The following UMPS variants were observed in gnomAD, a reference collection of about 807,000 sequenced individuals.
UMPS encodes the protein uridine 5'-monophosphate synthase.
UMPS carries 21 observed loss-of-function variants against 38.9 expected under a neutral mutation model. The observed-to-expected ratio is 0.54, with a 90% confidence interval of 0.38 to 0.78. The LOEUF (loss-of-function observed/expected upper bound fraction) is 0.78, where lower values mean the gene tolerates loss of function less well. Ranked by LOEUF, UMPS falls within the 30% of genes least tolerant of loss-of-function variation. UMPS has a pLI of 0.00. For missense variants in UMPS, 533 were observed against 591.6 expected (o/e 0.90, Z 1.03); for synonymous variants, 208 against 219.3 (o/e 0.95, Z 0.45).
intron 2 of UMPS, among the ~76,000 whole-genome samples, chr3:124,736,248 G>A (rs1216567390): frequency 6.6e-6 from 1 of 151,954 alleles, no homozygotes; most frequent in Non-Finnish European, 1.5e-5. Context: ...GGGTGACAGA[G>A]CAAGACTGTC....
At chr3:124,739,782 G>T (rs747323388) in intron 3 of UMPS, among the ~76,000 whole-genome samples, 17 of 152,210 alleles carry the variant, frequency 1.1e-4, no homozygotes, top group Non-Finnish European at 2.1e-4. Flanking sequence ...TAAGCCAAGT[G>T]CAGACCTTGA....
chr3:124,735,226 G>A lies in UMPS; in HGVS notation c.290G>A (p.Arg97Lys). ...STNQIPMLIR[R>K]KETKDYGTKR... ...AATCAAATTCCAATGCTTATTAGAA[G>A]GAAAGAAACAAAGGATTATGGTAAA... Residue 97 changes from arginine to lysine, a missense_variant, in exon 2 of 6, where the codon AGG (arginine) becomes AAG (lysine). Physicochemically the swap from Arg to Lys is conservative, Grantham distance 26 (BLOSUM62 2). Transcript: ENST00000232607. 2 of 1,613,342 alleles carry A rather than the reference G, an allele frequency of 1.2e-6. No homozygotes were observed. The highest frequency in any genetic ancestry group is 8.5e-7 in the Non-Finnish European group (1 of 1,179,500).
In UMPS at chr3:124,745,315, C is replaced by T; in HGVS notation, c.*1231C>T. 2.2e-6 allele frequency: 1 copy of T among 453,800 alleles called. No homozygotes were observed. Among genetic ancestry groups the T allele is most frequent in the Non-Finnish European group, 4.4e-6 (1 of 226,768 alleles). 28.1% of individuals were successfully genotyped at this position (453,800 alleles called of 1,614,324 possible). ...TGGCACAGGATCAGCCATTTCCCCA[C>T]CCTTGTCAGCTGATGGCCCACTGTT... On this transcript the variant is annotated 3_prime_UTR_variant, in exon 6 of 6. Coordinates refer to ENST00000232607, the MANE Select transcript of UMPS (RefSeq NM_000373.4).
In UMPS at chr3:124,744,173, A is replaced by C. The variant is rs756653112; in HGVS notation, c.*89A>C. 2 of 1,502,270 alleles carry C rather than the reference A, an allele frequency of 1.3e-6. No homozygotes were observed. Among genetic ancestry groups the C allele is most frequent in the African/African-American group, 2.8e-5 (2 of 72,648 alleles). The allele number at this position is 1,502,270 out of a possible 1,614,324, so 93.1% of individuals were successfully genotyped here. A position where few individuals can be genotyped will look rare whatever the true frequency, so the allele number is the denominator to read the frequency against. On this transcript the variant is annotated 3_prime_UTR_variant, in exon 6 of 6. Coordinates refer to ENST00000232607, the MANE Select transcript of UMPS (RefSeq NM_000373.4). ...GTCACTGGCTGGAAATAATCCAATT[A>C]TTCCTGCTTGGATTCTTCCACAGGG...
chr3:124,746,844 C>T lies in UMPS; in HGVS notation c.*2760C>T, dbSNP rs1319038160. The T allele has an allele frequency of 4.4e-6, 2 of 452,478 alleles. No individual in the cohort carries two copies. Among genetic ancestry groups the T allele is most frequent in the African/African-American group, 4.0e-5 (2 of 49,840 alleles). 28.0% of individuals were successfully genotyped at this position (452,478 alleles called of 1,614,324 possible). ...GAGGAACCTAAGAAACTATTTGGTG[C>T]ACTTCCTCTTATTTTAGAGCTCCCA... On this transcript the variant is annotated 3_prime_UTR_variant, in exon 6 of 6. Transcript: ENST00000232607.
intron 2 of UMPS, 73 bp from the exon 3 acceptor site, chr3:124,737,495 A>AGT: frequency 7.1e-7 from 1 of 1,403,626 alleles, no homozygotes; most frequent in Non-Finnish European, 1.0e-6. Flanking sequence ...TTGTATACAG[A>AGT]GTGTGTGTAC....
rs2063562219 is a variant in UMPS at position 124,742,260 on chromosome 3, G to A, written c.1267G>A (p.Ala423Thr). The A allele has an allele frequency of 3.1e-6, 5 of 1,613,156 alleles. No individual in the cohort carries two copies. Among genetic ancestry groups the A allele is most frequent in the Non-Finnish European group, 4.2e-6 (5 of 1,179,134 alleles). The change falls in exon 5 of 6, where the codon GCA (alanine) becomes ACA (threonine). Residue 423 changes from alanine to threonine, a missense_variant. Physicochemically the swap from Ala to Thr is moderately conservative, Grantham distance 58 (BLOSUM62 0). Coordinates refer to ENST00000232607, the MANE Select transcript of UMPS (RefSeq NM_000373.4). ...CTTGACTCCAGGAGTTCAGTTGGAAGCAGGAGGTAAATCTGGTCACTGGTC... is the reference window on the plus strand; with the variant it reads ...CTTGACTCCAGGAGTTCAGTTGGAAACAGGAGGTAAATCTGGTCACTGGTC... ...LHLTPGVQLE[A>T]GGDNLGQQYN...
At chr3:124,742,767 TG>T (rs2063565391) in intron 5 of UMPS, 1 of 163,626 alleles carries the variant, frequency 6.1e-6, no homozygotes, top group African/African-American at 2.4e-5. Context: ...GACCACTTGA[TG>T]GGGTTCTTGT....
intron 1 of UMPS, 67 bp downstream of exon 1, chr3:124,730,694 G>T: frequency 6.4e-7 from 1 of 1,571,890 alleles, no homozygotes. Flanking sequence ...ATGGAAGAGG[G>T]TGACAGGAGT....
chr3:124,744,131 A>T lies in UMPS; in HGVS notation c.*47A>T, dbSNP rs2063578908. 1.2e-6 allele frequency: 2 copies of T among 1,604,796 alleles called. No individual in the cohort carries two copies. On this transcript the variant is annotated 3_prime_UTR_variant, in exon 6 of 6. Transcript: ENST00000232607. ...GATACAATGTGAAGACATTGAAGATATGTGGTCCTCCTGAAAGTCACTGGC... is the reference window on the plus strand; with the variant it reads ...GATACAATGTGAAGACATTGAAGATTTGTGGTCCTCCTGAAAGTCACTGGC...
At position 124,747,310 on chromosome 3, in the gene UMPS, G is replaced by C; in HGVS notation, c.*3226G>C. 1 of 455,344 alleles carries C rather than the reference G, an allele frequency of 2.2e-6. No homozygotes were observed. The highest frequency in any genetic ancestry group is 1.5e-5 in the South Asian group (1 of 65,284). 28.2% of individuals were successfully genotyped at this position (455,344 alleles called of 1,614,324 possible). A position where few individuals can be genotyped will look rare whatever the true frequency, so the allele number is the denominator to read the frequency against. On this transcript the variant is annotated 3_prime_UTR_variant, in exon 6 of 6. Transcript: ENST00000232607. ...GTTGCCATCTGGGTCATCAGACCTG[G>C]CTGTCAGGGGTGCAGCCACAGGAGA...
rs773783685 is a variant in UMPS, at chr3:124,730,482, C to A, written c.11C>A (p.Ala4Asp). 3.7e-6 allele frequency: 6 copies of A among 1,614,166 alleles called. No homozygotes were observed. Among genetic ancestry groups the A allele is most frequent in the Non-Finnish European group, 4.2e-6 (5 of 1,180,002 alleles). Reference sequence around the variant, plus strand: ...AGGCAGCGCGCGACAATGGCGGTCGCTCGTGCAGCTTTGGGGCCATTGGTG... The same window carrying A: ...AGGCAGCGCGCGACAATGGCGGTCGATCGTGCAGCTTTGGGGCCATTGGTG... MAV[A>D]RAALGPLVTG... is the part of the protein sequence containing the mutation. The change falls in exon 1 of 6, where the codon GCT becomes GAT. Residue 4 changes from alanine (A) to aspartate (D), a missense_variant. By Grantham distance (126) the Ala-to-Asp change is moderately radical (BLOSUM62 -2). Transcript: ENST00000232607.
Position 124,736,773 on chromosome 3 carries a change from A to G in UMPS, c.311-795A>G, listed in dbSNP as rs190828321. ...TTAAGCTGATTCAGTTAAACTTACC[A>G]GTTGTTCAAGAAGCGGAAAGGATTT... On this transcript the variant is annotated intron_variant, in intron 2 of 5. Transcript: ENST00000232607. 4.0e-4 allele frequency among the ~76,000 whole-genome samples: 61 copies of G among 152,354 alleles called. 1 individual carries two copies. Among genetic ancestry groups the G allele is most frequent in the Middle Eastern group, 6.8e-3 (2 of 294 alleles).
rs973357418 is a variant in UMPS at position 124,748,590 on chromosome 3, G to C, written c.*4506G>C. The C allele has an allele frequency of 6.6e-6, 3 of 454,016 alleles. No homozygotes were observed. Among genetic ancestry groups the C allele is most frequent in the African/African-American group, 2.0e-5 (1 of 50,010 alleles). 28.1% of individuals were successfully genotyped at this position (454,016 alleles called of 1,614,324 possible). On this transcript the variant is annotated 3_prime_UTR_variant, in exon 6 of 6. Coordinates refer to ENST00000232607, the MANE Select transcript of UMPS (RefSeq NM_000373.4). ...AGAGGGCTCCTCAGAGTCAGATCCT[G>C]GTGTGGGCTCTCACGTGCTGCTGCT...
chr3:124,733,051 C>T (rs1212851087), intron 1 of UMPS, among the ~76,000 whole-genome samples: 1 of 150,192 alleles, frequency 6.7e-6, no homozygotes, highest in African/African-American at 2.5e-5. Flanking sequence ...TTGGGTATAA[C>T]AAAACTTCTT....
rs1159011451 is a variant in UMPS at position 124,748,869 on chromosome 3, A to T, written c.*4785A>T. 6 of 430,228 alleles carry T rather than the reference A, an allele frequency of 1.4e-5. No homozygotes were observed. The highest frequency in any genetic ancestry group is 1.2e-4 in the African/African-American group (6 of 49,462). 26.7% of individuals were successfully genotyped at this position (430,228 alleles called of 1,614,324 possible). ...ATTCTCCTGTTTTTCTGAAAAGGGC[A>T]TGGGAGTTAGCTGAGAAGCAGACCT... On this transcript the variant is annotated 3_prime_UTR_variant, in exon 6 of 6. Coordinates refer to ENST00000232607, the MANE Select transcript of UMPS (RefSeq NM_000373.4).
rs373254902 is a variant in UMPS at position 124,730,495 on chromosome 3, G to C, written c.24G>C (p.Leu8Phe). 4.3e-6 allele frequency: 7 copies of C among 1,614,190 alleles called. No individual in the cohort carries two copies. The highest frequency in any genetic ancestry group is 5.1e-6 in the Non-Finnish European group (6 of 1,180,024). ...CAATGGCGGTCGCTCGTGCAGCTTT[G>C]GGGCCATTGGTGACGGGTCTGTACG... MAVARAALGPLVTGLYDV... is the reference protein window; with the variant it reads MAVARAAFGPLVTGLYDV... The change falls in exon 1 of 6, where the codon TTG (leucine) becomes TTC (phenylalanine). Residue 8 changes from leucine to phenylalanine, a missense_variant. Leu to Phe is a conservative substitution (Grantham distance 22). Coordinates refer to ENST00000232607, the MANE Select transcript of UMPS (RefSeq NM_000373.4).
intron 5 of UMPS, among the ~76,000 whole-genome samples, chr3:124,743,137 C>G (rs2063568268): frequency 1.3e-5 from 2 of 152,164 alleles, no homozygotes; most frequent in South Asian, 4.1e-4. Context: ...AGTTCAAGAC[C>G]AGCTTGGCCG....
rs567613024 is a variant in UMPS, at chr3:124,740,012, C to T, written c.983-12C>T. Reference sequence around the variant, plus strand: ...AAAATCAGCAAATATCTTTTTTCCCCCTTCTTCTTAGGAGGTATCTTTAAA... The same window carrying T: ...AAAATCAGCAAATATCTTTTTTCCCTCTTCTTCTTAGGAGGTATCTTTAAA... On this transcript the variant is annotated splice_polypyrimidine_tract_variant and intron_variant, in intron 3 of 5. Transcript: ENST00000232607. 2 of 1,613,788 alleles carry T rather than the reference C, an allele frequency of 1.2e-6. No individual in the cohort carries two copies. Among genetic ancestry groups the T allele is most frequent in the South Asian group, 1.1e-5 (1 of 91,056 alleles).
Sources: gnomAD v4.1 joint callset for allele counts (sites outside exome capture counted in the v4.1 genomes callset) on GRCh38, gnomAD v4.1.1 for gene constraint, MANE v1.5 for transcripts, NCBI Gene and HGNC (gene_info 2026-07-23, HGNC 2026-07-21) for gene names.